HERC1: variants seen among roughly 807,000 people sequenced by gnomAD.
HERC1 encodes the protein HECT and RLD domain containing E3 ubiquitin protein ligase family member 1.
A neutral mutation model predicts 554.3 loss-of-function variants in HERC1; 160 were observed. The observed-to-expected ratio is 0.29, with a 90% CI of 0.25 to 0.33. HERC1 has a LOEUF of 0.33. Ranked by LOEUF, HERC1 falls within the 10% of genes least tolerant of loss-of-function variation. The probability of loss-of-function intolerance (pLI) is 1.00; values close to 1 mark genes in which losing one functional copy is unlikely to be tolerated. For missense variants in HERC1, 4,919 were observed against 5,918.5 expected, an observed-to-expected ratio of 0.83 and a Z score of 5.54; for synonymous variants, 2,175 against 2,131.7, an observed-to-expected ratio of 1.02 and a Z score of -0.56.
In HERC1 at chr15:63,749,389, A is replaced by G; in HGVS notation, c.2197T>C (p.Trp733Arg). 1 of 1,613,246 alleles carries G rather than the reference A, an allele frequency of 6.2e-7. No homozygotes were observed. Among genetic ancestry groups the G allele is most frequent in the Non-Finnish European group, 8.5e-7 (1 of 1,179,568 alleles). The part of the protein sequence containing the change: ...ISAGTSHSLA[W>R]TALPRDRQVV... ...TACCTGTCCCTAGGAAGAGCAGTCC[A>G]TGCCAGACTATGTGATGTTCCAGCC... Residue 733 changes from tryptophan (W) to arginine (R), a missense_variant, in exon 10 of 78, where the codon TGG (tryptophan) becomes CGG (arginine). This residue lies in a region of HERC1 where 744 missense variants were observed against 1,090.0 expected (regional missense o/e 0.68). Coordinates refer to ENST00000443617, the MANE Select transcript of HERC1 (RefSeq NM_003922.4). This position sits in a 1 kb window ranked among gnomAD's most constrained non-coding sequence, Gnocchi z 4.1.
chr15:63,769,951 TTTGTCTG>T (rs2075899332), intron 2 of HERC1, among the ~76,000 whole-genome samples: 1 of 152,204 alleles, frequency 6.6e-6, no homozygotes, highest in African/African-American at 2.4e-5. Flanking sequence ...TCCCCTCACA[TTTGTCTG>T]CTTAAGATAT....
At chr15:63,627,689 A>G (rs1421001875) in intron 70 of HERC1, among the ~76,000 whole-genome samples, 1 of 151,840 alleles carries the variant, frequency 6.6e-6, no homozygotes, top group Admixed American at 6.6e-5. Context: ...AAAAAAAAAA[A>G]AGGAAACTGC....
At chr15:63,808,124 C>A (rs375295782) in intron 1 of HERC1, among the ~76,000 whole-genome samples, 282 of 144,518 alleles carry the variant, frequency 2.0e-3, no homozygotes, top group Non-Finnish European at 2.0e-3. Context: ...TTCTAGTTGA[C>A]AAAAAAAAAA....
rs776838184 is a variant in HERC1, at chr15:63,652,471, A to T, written c.10361T>A (p.Val3454Glu). Residue 3454 changes from valine to glutamate, a missense_variant, in exon 52 of 78, where the codon GTA (valine) becomes GAA (glutamate). Val to Glu is a moderately radical substitution (Grantham distance 121). Transcript: ENST00000443617. The part of the protein sequence containing the change: ...ATSGNDGTIR[V>E]WNVTKKQYSL... ...ATATTGCTTCTTGGTAACATTCCAT[A>T]CGCGGATGGTGCCATCATTGCCACT... 6.2e-7 allele frequency: 1 copy of T among 1,611,408 alleles called. No homozygotes were observed. Among genetic ancestry groups the T allele is most frequent in the Non-Finnish European group, 8.5e-7 (1 of 1,178,336 alleles).
At position 63,674,971 on chromosome 15, in the gene HERC1, A is replaced by G. The variant is rs1200117576; in HGVS notation, c.7217T>C (p.Met2406Thr). Residue 2406 changes from methionine (M) to threonine (T), a missense_variant, in exon 38 of 78, where the codon ATG becomes ACG. Around this residue, in one of 11 missense-constraint regions of HERC1, gnomAD observed 1,963 missense variants for 2,228.6 expected, o/e 0.88. Coordinates refer to ENST00000443617, the MANE Select transcript of HERC1 (RefSeq NM_003922.4). ...ATGTCGTTTGGTGCTCTGTTTGCCCATGTCTTCATGAACGCCAGTGAGATA... is the reference window on the plus strand; with the variant it reads ...ATGTCGTTTGGTGCTCTGTTTGCCCGTGTCTTCATGAACGCCAGTGAGATA... ...LTYLTGVHEDMGKQSTKRHEK... is the reference protein window; with the variant it reads ...LTYLTGVHEDTGKQSTKRHEK... 6 of 1,613,990 alleles carry G rather than the reference A, an allele frequency of 3.7e-6. No individual in the cohort carries two copies. The highest frequency in any genetic ancestry group is 5.1e-6 in the Non-Finnish European group (6 of 1,179,886).
intron 18 of HERC1, among the ~76,000 whole-genome samples, chr15:63,724,414 A>T (rs778651596): frequency 6.6e-6 from 1 of 152,210 alleles, no homozygotes; most frequent in African/African-American, 2.4e-5. Context: ...ATGTACACTC[A>T]TATTTGGAAA....
intron 1 of HERC1, among the ~76,000 whole-genome samples, chr15:63,793,858 G>C (rs542694838): frequency 6.6e-6 from 1 of 152,252 alleles, no homozygotes; most frequent in African/African-American, 2.4e-5. Flanking sequence ...ATGAGGCTGA[G>C]ACCTACTGGG....
At chr15:63,709,747 C>T (rs565447847) in intron 24 of HERC1, among the ~76,000 whole-genome samples, 1 of 152,110 alleles carries the variant, frequency 6.6e-6, no homozygotes, top group South Asian at 2.1e-4. Flanking sequence ...TAGGAGATAT[C>T]AGGGGCATTT....
At chr15:63,829,271 A>C (rs1036664498) in intron 1 of HERC1, among the ~76,000 whole-genome samples, 1 of 151,648 alleles carries the variant, frequency 6.6e-6, no homozygotes, top group Non-Finnish European at 1.5e-5. Flanking sequence ...ATTAAAAAAA[A>C]ATCAGCGGGG....
chr15:63,822,124 G>C (rs917585234), intron 1 of HERC1, among the ~76,000 whole-genome samples: 2 of 152,050 alleles, frequency 1.3e-5, no homozygotes, highest in Admixed American at 6.6e-5. Context: ...GGAAAGGGAC[G>C]AACAAGTTTT....
At position 63,612,314 on chromosome 15, in the gene HERC1, TC is replaced by T; in HGVS notation, c.14336del (p.Arg4779AsnfsTer18). The T allele has an allele frequency of 1.2e-6, 2 of 1,613,862 alleles. No individual in the cohort carries two copies. The highest frequency in any genetic ancestry group is 8.5e-7 in the Non-Finnish European group (1 of 1,179,738). On this transcript the variant is annotated frameshift_variant, in exon 77 of 78. Transcript: ENST00000443617. LOFTEE classifies it high-confidence loss of function. The surrounding 1 kb of genome is among the most constrained non-coding windows in gnomAD (Gnocchi z 5.0). ...CAGCAGTGTTGGCTGGTAGTCGAGA[TC>T]TTCCTGACACAAACCTCATGAAAAG... is the stretch of plus-strand genomic sequence containing the variant. ...RVLFMRFVSG[R>X]SRLPANTADI...
intron 1 of HERC1, among the ~76,000 whole-genome samples, chr15:63,806,897 G>T (rs1373176333): frequency 6.6e-6 from 1 of 152,112 alleles, no homozygotes; most frequent in Admixed American, 6.5e-5. Context: ...ACAGGCATGC[G>T]CCACCGCGCC....
intron 60 of HERC1, among the ~76,000 whole-genome samples, chr15:63,640,646 A>G (rs912248720): frequency 6.6e-6 from 1 of 152,194 alleles, no homozygotes; most frequent in Non-Finnish European, 1.5e-5. Flanking sequence ...ACTTTATCCA[A>G]TGTTAACATC....
intron 12 of HERC1, among the ~76,000 whole-genome samples, chr15:63,737,007 G>A (rs1179223473): frequency 6.6e-6 from 1 of 151,544 alleles, no homozygotes; most frequent in Non-Finnish European, 1.5e-5. Context: ...AACAGAAATT[G>A]TCTAATTTAA....
chr15:63,699,168 C>CA (rs2072588108), intron 25 of HERC1, among the ~76,000 whole-genome samples, 172 bp from the exon 26 acceptor site: 1 of 152,082 alleles, frequency 6.6e-6, no homozygotes, highest in Non-Finnish European at 1.5e-5. Context: ...GTAAAAACAA[C>CA]AAACAAACAA....
intron 1 of HERC1, among the ~76,000 whole-genome samples, chr15:63,829,479 A>ATATATATATATATATAT (rs1555455605): frequency 4.6e-5 from 4 of 87,606 alleles, no homozygotes; most frequent in East Asian, 4.7e-4. Flanking sequence ...TGTTTATATA[A>ATATATATATATATATAT]ATATATATAT....
intron 1 of HERC1, among the ~76,000 whole-genome samples, chr15:63,796,126 T>C (rs2076805918): frequency 1.3e-5 from 2 of 152,256 alleles, no homozygotes; most frequent in African/African-American, 4.8e-5. Flanking sequence ...AGTTACTATT[T>C]ATTCCTAGTT....
rs1253731930 is a variant in HERC1 at position 63,692,105 on chromosome 15, A to G, written c.5830+306T>C. ...TGATAATCCAAGAAGCAAGGTCGGA[A>G]TCTGTGCTAAAATATCGTATTAAAC... On this transcript the variant is annotated intron_variant, in intron 31 of 77. Transcript: ENST00000443617. This position sits in a 1 kb window ranked among gnomAD's most constrained non-coding sequence, Gnocchi z 4.7. Among the ~76,000 whole-genome samples the G allele has an allele frequency of 1.3e-5, 2 of 152,268 alleles. No individual in the cohort carries two copies. Among genetic ancestry groups the G allele is most frequent in the African/African-American group, 4.8e-5 (2 of 41,474 alleles).
chr15:63,826,814 A>AATATATATATATATATATATATATATAT (rs1555454978), intron 1 of HERC1, among the ~76,000 whole-genome samples: 19 of 22,248 alleles, frequency 8.5e-4, no homozygotes, highest in Non-Finnish European at 1.1e-3. Context: ...AAAAAAAAAA[A>AATATATATATATATATATATATATATAT]ATATATATAT....
Sources: gnomAD v4.1 joint callset for allele counts (sites outside exome capture counted in the v4.1 genomes callset) on GRCh38, gnomAD v4.1.1 for gene constraint, gnomAD v4.1.1 regional missense constraint, Gnocchi (gnomAD v3.1) non-coding constraint, MANE v1.5 for transcripts, NCBI Gene and HGNC (gene_info 2026-07-23, HGNC 2026-07-21) for gene names.